The following FGD3 variants were observed in gnomAD, a reference collection of about 807,000 sequenced individuals.
FGD3 encodes FYVE, RhoGEF and PH domain-containing protein 3.
Under a neutral mutation model 71.8 loss-of-function variants are expected in FGD3, and 45 were observed. The observed-to-expected ratio is 0.63, with a 90% CI of 0.49 to 0.80. The LOEUF is 0.80. Ranked by LOEUF, FGD3 falls within the 30% of genes least tolerant of loss-of-function variation. FGD3 has a pLI of 0.00. For missense variants in FGD3, 844 were observed against 951.5 expected (o/e 0.89, Z 1.49); for synonymous variants, 378 against 392.8 (o/e 0.96, Z 0.44).
Position 93,006,016 on chromosome 9 carries a change from C to T in FGD3, c.681-8C>T. 1 of 1,590,966 alleles carries T rather than the reference C, an allele frequency of 6.3e-7. No individual in the cohort carries two copies. Among genetic ancestry groups the T allele is most frequent in the African/African-American group, 1.3e-5 (1 of 74,184 alleles). On this transcript the variant is annotated splice_polypyrimidine_tract_variant and splice_region_variant and intron_variant, in intron 5 of 17. Transcript: ENST00000375482. ...GCTATTTCTCTGATGATTCATTTCT[C>T]CACGAAGGGACACAAACCCACGGCT...
chr9:93,001,879 A>T lies in FGD3; in HGVS notation c.454-1046A>T, dbSNP rs145607572. On this transcript the variant is annotated intron_variant, in intron 3 of 17. Transcript: ENST00000375482. ...TGAAGTCAGAGCCATCATGAATAGC[A>T]TTAGGGCCTTTATAAAAGAGAAAGT... Among the ~76,000 whole-genome samples the T allele has an allele frequency of 2.6e-5, 4 of 152,288 alleles. No individual in the cohort carries two copies. In the East Asian group the frequency reaches 7.7e-4, roughly 29 times the overall value.
At chr9:92,957,609 C>T (rs1859083848) in intron 1 of FGD3, among the ~76,000 whole-genome samples, 1 of 143,202 alleles carries the variant, frequency 7.0e-6, no homozygotes, top group South Asian at 2.4e-4. Flanking sequence ...GGACACAAAT[C>T]TTTTATCAGA....
chr9:93,035,217 T>C, intron 17 of FGD3, 121 bp from the exon 18 acceptor site: 1 of 1,407,438 alleles, frequency 7.1e-7, no homozygotes, highest in Middle Eastern at 2.6e-4. Context: ...CCCCTCGGGC[T>C]CAGCACCTGC....
At position 93,035,448 on chromosome 9, in the gene FGD3, G is replaced by A; in HGVS notation, c.2037G>A (p.Gln679=). The A allele has an allele frequency of 2.5e-6, 4 of 1,613,242 alleles. No homozygotes were observed. The highest frequency in any genetic ancestry group is 3.4e-6 in the Non-Finnish European group (4 of 1,179,776). Reference sequence around the variant, plus strand: ...TGTGGAAGCTGCAGTGGGCCAAGCAGTCCTGGTACCTGAGCGCCTCCTCCG... The same window carrying A: ...TGTGGAAGCTGCAGTGGGCCAAGCAATCCTGGTACCTGAGCGCCTCCTCCG... ...GHVWKLQWAK[Q]SWYLSASSAE... The change falls in exon 18 of 18, where the codon CAG becomes CAA. Residue 679 remains glutamine (Q), a synonymous_variant. Coordinates refer to ENST00000375482, the MANE Select transcript of FGD3 (RefSeq NM_001083536.2).
chr9:93,034,347 A>G, intron 16 of FGD3, 194 bp from the exon 17 acceptor site: 1 of 592,168 alleles, frequency 1.7e-6, no homozygotes, highest in Non-Finnish European at 2.7e-6. Flanking sequence ...GATACCACAC[A>G]TGCCTATGTC....
chr9:93,036,058 C>G lies in FGD3; in HGVS notation c.*469C>G. The G allele has an allele frequency of 6.4e-6, 1 of 157,046 alleles. No individual in the cohort carries two copies. Among genetic ancestry groups the G allele is most frequent in the Non-Finnish European group, 1.4e-5 (1 of 71,326 alleles). 9.7% of individuals were successfully genotyped at this position (157,046 alleles called of 1,614,324 possible). On this transcript the variant is annotated 3_prime_UTR_variant, in exon 18 of 18. Transcript: ENST00000375482. Reference sequence around the variant, plus strand: ...TCTCCTGAGGTTCTGCCTGCAGCCCCCAGGAGGTGGGCCTGCCCCATCCTA... The same window carrying G: ...TCTCCTGAGGTTCTGCCTGCAGCCCGCAGGAGGTGGGCCTGCCCCATCCTA...
chr9:93,002,972 C>T lies in FGD3; in HGVS notation c.501C>T (p.His167=), dbSNP rs748852068. The change falls in exon 4 of 18, where the codon CAC becomes CAT. Residue 167 remains histidine, a synonymous_variant. Coordinates refer to ENST00000375482, the MANE Select transcript of FGD3 (RefSeq NM_001083536.2). ...TCCACATTGCCCAGGAGCTCCTGCA[C>T]ACCGAGGAGACCTATGTGAAGCGGC... ...KLLHIAQELL[H]TEETYVKRLH... is the part of the protein sequence containing the mutation. 7 of 1,614,044 alleles carry T rather than the reference C, an allele frequency of 4.3e-6. No individual in the cohort carries two copies.
chr9:92,969,557 C>G lies in FGD3; in HGVS notation c.-217-5681C>G, dbSNP rs1216978600. On this transcript the variant is annotated intron_variant, in intron 1 of 17. Coordinates refer to ENST00000375482, the MANE Select transcript of FGD3 (RefSeq NM_001083536.2). The surrounding 1 kb of genome is among the most constrained non-coding windows in gnomAD (Gnocchi z 4.5). ...TAACATGCCATTGTTATGGAGCCTC[C>G]TGTGTGCCGGGGGCCACTGGGCCAC... 1.3e-5 allele frequency among the ~76,000 whole-genome samples: 2 copies of G among 152,226 alleles called. No individual in the cohort carries two copies. The highest frequency in any genetic ancestry group is 4.8e-5 in the African/African-American group (2 of 41,466).
intron 13 of FGD3, chr9:93,020,703 T>C (rs1051355382): frequency 5.1e-6 from 2 of 395,476 alleles, no homozygotes; most frequent in Non-Finnish European, 9.4e-6. Flanking sequence ...TGTGCTGCTG[T>C]GTGGTTGGAG....
chr9:92,989,328 C>T (rs961861293), intron 3 of FGD3, among the ~76,000 whole-genome samples: 5 of 152,184 alleles, frequency 3.3e-5, no homozygotes, highest in East Asian at 1.9e-4. Context: ...GGATTACAGG[C>T]GTGATCCACC....
At chr9:93,027,045 T>C (rs565780487) in intron 14 of FGD3, among the ~76,000 whole-genome samples, 19 of 152,294 alleles carry the variant, frequency 1.2e-4, no homozygotes, top group Admixed American at 3.9e-4. Flanking sequence ...TGGTCTTGGG[T>C]GTGAGAGAAA....
Position 93,034,596 on chromosome 9 carries a change from CAGAG to C in FGD3, c.1844_1847del (p.Glu615AlafsTer42), listed in dbSNP as rs1862513968. 6.2e-7 allele frequency: 1 copy of C among 1,613,540 alleles called. No individual in the cohort carries two copies. The highest frequency in any genetic ancestry group is 8.5e-7 in the Non-Finnish European group (1 of 1,179,876). On this transcript the variant is annotated frameshift_variant, in exon 17 of 18. Coordinates refer to ENST00000375482, the MANE Select transcript of FGD3 (RefSeq NM_001083536.2). LOFTEE classifies it high-confidence loss of function. ...CTGCTCTGCGGCCCCCTGCGGCTGT[CAGAG>C]AGCGGTGAGACCTGGAGCGAGGTGT...
At chr9:92,980,534 G>A (rs971204249) in intron 3 of FGD3, among the ~76,000 whole-genome samples, 6 of 151,058 alleles carry the variant, frequency 4.0e-5, no homozygotes, top group African/African-American at 1.5e-4. Flanking sequence ...GTTTCTTGAT[G>A]TGCAGAGTTA....
chr9:93,002,936 C>G lies in FGD3; in HGVS notation c.465C>G (p.Pro155=). The change falls in exon 4 of 18, where the codon CCC becomes CCG. Residue 155 remains proline (P), a synonymous_variant. Coordinates refer to ENST00000375482, the MANE Select transcript of FGD3 (RefSeq NM_001083536.2). ...TCTTCTCTCCGCAGCACTCTGGCCC[C>G]CAGAAGCTTCTCCACATTGCCCAGG... The part of the protein sequence containing the change: ...KDAGLAQHSG[P]QKLLHIAQEL... 1 of 1,614,046 alleles carries G rather than the reference C, an allele frequency of 6.2e-7. No homozygotes were observed. The highest frequency in any genetic ancestry group is 2.2e-5 in the East Asian group (1 of 44,878).
intron 13 of FGD3, 65 bp downstream of exon 13, chr9:93,020,489 G>T (rs1463238005): frequency 1.4e-5 from 20 of 1,432,518 alleles, no homozygotes; most frequent in Non-Finnish European, 1.8e-5. Context: ...AGAGCAGAAG[G>T]CACTGGCGTC....
At chr9:93,012,815 T>G (rs1368811262) in intron 8 of FGD3, among the ~76,000 whole-genome samples, 1 of 152,180 alleles carries the variant, frequency 6.6e-6, no homozygotes, top group African/African-American at 2.4e-5. Context: ...AGTCCCTTCA[T>G]GGACTGGCTC....
chr9:92,982,460 C>G (rs1314554062), intron 3 of FGD3, among the ~76,000 whole-genome samples: 1 of 152,138 alleles, frequency 6.6e-6, no homozygotes, highest in African/African-American at 2.4e-5. Context: ...GTGCAGCTGT[C>G]CCTTCAATAT....
At chr9:93,020,007 G>A in intron 12 of FGD3, 146 bp downstream of exon 12, 1 of 825,232 alleles carries the variant, frequency 1.2e-6, no homozygotes, top group Non-Finnish European at 2.0e-6. Flanking sequence ...ACCACACTGT[G>A]CCTTCATAAG....
At chr9:92,954,800 G>T (rs1161341712) in intron 1 of FGD3, among the ~76,000 whole-genome samples, 1 of 152,226 alleles carries the variant, frequency 6.6e-6, no homozygotes, top group Non-Finnish European at 1.5e-5. Flanking sequence ...ACCTTGGGCT[G>T]TGTCCTAGAG....
Sources: gnomAD v4.1 joint callset for allele counts (sites outside exome capture counted in the v4.1 genomes callset) on GRCh38, gnomAD v4.1.1 for gene constraint, Gnocchi (gnomAD v3.1) non-coding constraint, MANE v1.5 for transcripts, NCBI Gene and HGNC (gene_info 2026-07-23, HGNC 2026-07-21) for gene names.